The following FEZF2 variants were observed in gnomAD, a reference collection of about 807,000 sequenced individuals.
The protein encoded by FEZF2 is FEZ family zinc finger 2, also known as fez family zinc finger protein 2.
FEZF2 carries 2 observed loss-of-function variants against 32.8 expected under a neutral mutation model. The ratio of observed to expected loss-of-function variants is 0.06; its 90% CI spans 0.02 to 0.19. FEZF2 has a LOEUF of 0.19. Among genes scored for constraint, FEZF2 ranks in the 10% least tolerant of loss-of-function variants. The probability of loss-of-function intolerance (pLI) is 1.00; values close to 1 mark genes in which losing one functional copy is unlikely to be tolerated. For synonymous variants in FEZF2, 322 were observed against 284.8 expected (o/e 1.13, Z -1.32); for missense variants, 516 against 625.4 (o/e 0.83, Z 1.87).
Position 62,369,767 on chromosome 3 carries a change from C to T in FEZF2, c.*316G>A, listed in dbSNP as rs545462680. On this transcript the variant is annotated 3_prime_UTR_variant, in exon 5 of 5. Coordinates refer to ENST00000283268, the MANE Select transcript of FEZF2 (RefSeq NM_018008.4). The surrounding 1 kb of genome is among the most constrained non-coding windows in gnomAD (Gnocchi z 4.2). Reference sequence around the variant, plus strand: ...GGCTGTATAAAGATGGCTAGGGGCGCCGCGCTCTTCTGGGGCGCTCACGGT... The same window carrying T: ...GGCTGTATAAAGATGGCTAGGGGCGTCGCGCTCTTCTGGGGCGCTCACGGT... 2 of 312,084 alleles carry T rather than the reference C, an allele frequency of 6.4e-6. No homozygotes were observed. Among genetic ancestry groups the T allele is most frequent in the South Asian group, 1.1e-4 (2 of 18,336 alleles). 19.3% of individuals were successfully genotyped at this position (312,084 alleles called of 1,614,324 possible).
In FEZF2 at chr3:62,371,655, G is replaced by A; in HGVS notation, c.865C>T (p.His289Tyr). The change falls in exon 3 of 5, where the codon CAC becomes TAC. Residue 289 changes from histidine to tyrosine, a missense_variant. By Grantham distance (83) the His-to-Tyr change is moderately conservative. Coordinates refer to ENST00000283268, the MANE Select transcript of FEZF2 (RefSeq NM_018008.4). ...CEVCGKVFNAHYNLTRHMPVH... is the reference protein window; with the variant it reads ...CEVCGKVFNAYYNLTRHMPVH... ...GGCATGTGGCGGGTGAGATTATAGT[G>A]AGCGTTAAACACCTATGGAAAGACA... 1 of 1,612,952 alleles carries A rather than the reference G, an allele frequency of 6.2e-7. No individual in the cohort carries two copies. The highest frequency in any genetic ancestry group is 1.1e-5 in the South Asian group (1 of 90,898).
In FEZF2 at chr3:62,371,104, G is replaced by A. The variant is rs1040149036; in HGVS notation, c.1120+113C>T. 4.7e-6 allele frequency: 7 copies of A among 1,491,134 alleles called. No homozygotes were observed. The South Asian group carries it at 5.8e-5, about 12-fold the overall frequency. 92.4% of individuals were successfully genotyped at this position (1,491,134 alleles called of 1,614,324 possible). A position where few individuals can be genotyped will look rare whatever the true frequency, so the allele number is the denominator to read the frequency against. On this transcript the variant is annotated intron_variant, in intron 4 of 4. Transcript: ENST00000283268. ...CCGATTCTAAAGAAATGCTGCGCCC[G>A]CGCCTGCAGATTTCGCCTTCTCTCT...
intron 4 of FEZF2, among the ~76,000 whole-genome samples, 185 bp downstream of exon 4, chr3:62,371,032 G>A (rs1704261587): frequency 6.6e-6 from 1 of 152,162 alleles, no homozygotes; most frequent in Non-Finnish European, 1.5e-5. Context: ...CATACAGCGT[G>A]GTCTACTAAC....
In FEZF2 at chr3:62,372,777, G is replaced by C; in HGVS notation, c.92C>G (p.Ser31Cys). 6.3e-7 allele frequency: 1 copy of C among 1,598,942 alleles called. No homozygotes were observed. Among genetic ancestry groups the C allele is most frequent in the Non-Finnish European group, 8.5e-7 (1 of 1,172,470 alleles). Residue 31 changes from serine to cysteine, a missense_variant, in exon 2 of 5, where the codon TCC (serine) becomes TGC (cysteine). Ser to Cys is a moderately radical substitution (Grantham distance 112). Coordinates refer to ENST00000283268, the MANE Select transcript of FEZF2 (RefSeq NM_018008.4). This position sits in a 1 kb window ranked among gnomAD's most constrained non-coding sequence, Gnocchi z 9.6. ...SPATSKTLAF[S>C]IERIMAKTSE... ...CGTCTTGGCCATGATGCGCTCGATG[G>C]AAAAGGCCAGTGTCTTGGAAGTGGC...
At chr3:62,371,699 G>A (rs781251578) in intron 2 of FEZF2, 32 bp from the exon 3 acceptor site, 45 of 1,589,368 alleles carry the variant, frequency 2.8e-5, no homozygotes, top group Middle Eastern at 3.4e-4. Context: ...CTTGTGGTGC[G>A]TCTGTCCGAG....
In FEZF2 at chr3:62,369,862, C is replaced by G; in HGVS notation, c.*221G>C. On this transcript the variant is annotated 3_prime_UTR_variant, in exon 5 of 5. Coordinates refer to ENST00000283268, the MANE Select transcript of FEZF2 (RefSeq NM_018008.4). This position sits in a 1 kb window ranked among gnomAD's most constrained non-coding sequence, Gnocchi z 4.2. ...CTGGAATTAAATACGTTTCGGCGCA[C>G]TGGATTTAAATAAGTTTCCTGAATA... is the stretch of plus-strand genomic sequence containing the variant. 1 of 530,856 alleles carries G rather than the reference C, an allele frequency of 1.9e-6. No homozygotes were observed. The highest frequency in any genetic ancestry group is 3.2e-5 in the East Asian group (1 of 31,204). 32.9% of individuals were successfully genotyped at this position (530,856 alleles called of 1,614,324 possible).
chr3:62,371,140 C>T, intron 4 of FEZF2, 77 bp downstream of exon 4: 1 of 1,608,998 alleles, frequency 6.2e-7, no homozygotes, highest in Non-Finnish European at 8.5e-7. Context: ...CCAGATCCCT[C>T]TTTGCCTTCC....
In FEZF2 at chr3:62,370,913, G is replaced by T. The variant is rs1184802935; in HGVS notation, c.1120+304C>A. Among the ~76,000 whole-genome samples the T allele has an allele frequency of 1.3e-5, 2 of 152,102 alleles. No homozygotes were observed. Among genetic ancestry groups the T allele is most frequent in the Non-Finnish European group, 2.9e-5 (2 of 68,010 alleles). Reference sequence around the variant, plus strand: ...GAAAGGGAAGTTCCGGATACAAAAGGAACCTTTTTCTATAGGGCAATACCC... The same window carrying T: ...GAAAGGGAAGTTCCGGATACAAAAGTAACCTTTTTCTATAGGGCAATACCC... On this transcript the variant is annotated intron_variant, in intron 4 of 4. Coordinates refer to ENST00000283268, the MANE Select transcript of FEZF2 (RefSeq NM_018008.4). The surrounding 1 kb of genome is among the most constrained non-coding windows in gnomAD (Gnocchi z 4.2).
Position 62,371,393 on chromosome 3 carries a change from G to A in FEZF2, c.988-44C>T, listed in dbSNP as rs143428855. On this transcript the variant is annotated intron_variant, in intron 3 of 4. Coordinates refer to ENST00000283268, the MANE Select transcript of FEZF2 (RefSeq NM_018008.4). ...GCACAGTAAGGAGAGGCCACCTCGG[G>A]AACACCTGGAAGGGACATCCCCCCC... is the stretch of plus-strand genomic sequence containing the variant. 9.8e-4 allele frequency: 1,559 copies of A among 1,598,534 alleles called. 4 individuals carry two copies. The highest frequency in any genetic ancestry group is 7.7e-3 in the Middle Eastern group (46 of 5,960).
chr3:62,369,997 TTTTC>T lies in FEZF2; in HGVS notation c.*82_*85del, dbSNP rs1704247065. The T allele has an allele frequency of 6.9e-7, 1 of 1,447,326 alleles. No homozygotes were observed. The allele number at this position is 1,447,326 out of a possible 1,614,324, so 89.7% of individuals were successfully genotyped here. ...TTTTAGCCTCTCTGCTATAGTTTTTTTTTCTTTTAATTTTAGAAATAAGTTTATA... is the reference window on the plus strand; with the variant it reads ...TTTTAGCCTCTCTGCTATAGTTTTTTTTTTAATTTTAGAAATAAGTTTATA... On this transcript the variant is annotated 3_prime_UTR_variant, in exon 5 of 5. Transcript: ENST00000283268. This position sits in a 1 kb window ranked among gnomAD's most constrained non-coding sequence, Gnocchi z 4.2.
chr3:62,372,157 A>C lies in FEZF2; in HGVS notation c.712T>G (p.Leu238Val). 3 of 1,589,134 alleles carry C rather than the reference A, an allele frequency of 1.9e-6. No individual in the cohort carries two copies. Among genetic ancestry groups the C allele is most frequent in the Non-Finnish European group, 1.7e-6 (2 of 1,167,050 alleles). The change falls in exon 2 of 5, where the codon TTG (leucine) becomes GTG (valine). Residue 238 changes from leucine (L) to valine (V), a missense_variant. By Grantham distance (32) the Leu-to-Val change is conservative. Transcript: ENST00000283268. This position sits in a 1 kb window ranked among gnomAD's most constrained non-coding sequence, Gnocchi z 9.6. ...AGTACCTGCTCCAGCGGCGCCGGCA[A>C]GCGCTCCTTATGGGGATAGGGAGCC... The part of the protein sequence containing the change: ...HPAPYPHKER[L>V]PAPLEQVLKE...
In FEZF2 at chr3:62,372,890, C is replaced by T. The variant is rs1387367763; in HGVS notation, c.-22G>A. On this transcript the variant is annotated 5_prime_UTR_variant, in exon 2 of 5. Coordinates refer to ENST00000283268, the MANE Select transcript of FEZF2 (RefSeq NM_018008.4). The surrounding 1 kb of genome is among the most constrained non-coding windows in gnomAD (Gnocchi z 9.6). ...CCATGGCGCGCGGAGCTGAGCCGAG[C>T]CAGGCTGGGCCAGGGCGCAGCCTCT... is the stretch of plus-strand genomic sequence containing the variant. 3.6e-6 allele frequency: 5 copies of T among 1,375,498 alleles called. No homozygotes were observed. The highest frequency in any genetic ancestry group is 3.8e-6 in the Non-Finnish European group (4 of 1,057,704). The allele number at this position is 1,375,498 out of a possible 1,614,324, so 85.2% of individuals were successfully genotyped here.
rs995072872 is a variant in FEZF2, at chr3:62,370,534, G to T, written c.1121-192C>A. ...AGCCGGGTGCTCTCCCGACAAGACC[G>T]AGACTGAGTCCCGCGGAGCCGCTCT... On this transcript the variant is annotated intron_variant, in intron 4 of 4. Coordinates refer to ENST00000283268, the MANE Select transcript of FEZF2 (RefSeq NM_018008.4). The surrounding 1 kb of genome is among the most constrained non-coding windows in gnomAD (Gnocchi z 4.2). Among the ~76,000 whole-genome samples, 11 of 152,198 alleles carry T rather than the reference G, an allele frequency of 7.2e-5. No homozygotes were observed. The highest frequency in any genetic ancestry group is 1.6e-4 in the Non-Finnish European group (11 of 68,038).
At position 62,369,964 on chromosome 3, in the gene FEZF2, T is replaced by C. The variant is rs537410902; in HGVS notation, c.*119A>G. Reference sequence around the variant, plus strand: ...CTTTCCAAAAATATGCTGGTTTCGATAAATAGATTTTAGCCTCTCTGCTAT... The same window carrying C: ...CTTTCCAAAAATATGCTGGTTTCGACAAATAGATTTTAGCCTCTCTGCTAT... On this transcript the variant is annotated 3_prime_UTR_variant, in exon 5 of 5. Coordinates refer to ENST00000283268, the MANE Select transcript of FEZF2 (RefSeq NM_018008.4). This position sits in a 1 kb window ranked among gnomAD's most constrained non-coding sequence, Gnocchi z 4.2. 1 of 1,262,980 alleles carries C rather than the reference T, an allele frequency of 7.9e-7. No individual in the cohort carries two copies. The highest frequency in any genetic ancestry group is 1.5e-5 in the African/African-American group (1 of 66,664). The allele number at this position is 1,262,980 out of a possible 1,614,324, so 78.2% of individuals were successfully genotyped here. A position where few individuals can be genotyped will look rare whatever the true frequency, so the allele number is the denominator to read the frequency against.
At chr3:62,371,734 C>T in intron 2 of FEZF2, 67 bp from the exon 3 acceptor site, 12 of 1,546,538 alleles carry the variant, frequency 7.8e-6, no homozygotes, top group Non-Finnish European at 9.6e-6. Context: ...CCCGGGGGGG[C>T]CACAGCCTAC....
rs973697609 is a variant in FEZF2, at chr3:62,369,854, T to C, written c.*229A>G. The C allele has an allele frequency of 2.0e-6, 1 of 508,270 alleles. No homozygotes were observed. Among genetic ancestry groups the C allele is most frequent in the Non-Finnish European group, 3.4e-6 (1 of 295,692 alleles). 31.5% of individuals were successfully genotyped at this position (508,270 alleles called of 1,614,324 possible). A position where few individuals can be genotyped will look rare whatever the true frequency, so the allele number is the denominator to read the frequency against. ...GCGGAGGCCTGGAATTAAATACGTTTCGGCGCACTGGATTTAAATAAGTTT... is the reference window on the plus strand; with the variant it reads ...GCGGAGGCCTGGAATTAAATACGTTCCGGCGCACTGGATTTAAATAAGTTT... On this transcript the variant is annotated 3_prime_UTR_variant, in exon 5 of 5. Coordinates refer to ENST00000283268, the MANE Select transcript of FEZF2 (RefSeq NM_018008.4). The surrounding 1 kb of genome is among the most constrained non-coding windows in gnomAD (Gnocchi z 4.2).
Position 62,370,119 on chromosome 3 carries a change from G to A in FEZF2, c.1344C>T (p.Pro448=), listed in dbSNP as rs1704249200. The part of the protein sequence containing the change: ...KLHDSVGPAA[P]SAKDLTRTVQ... ...CTGTCCTAGTCAGGTCCTTTGCGGA[G>A]GGGGCAGCAGGGCCCACGCTGTCGT... Residue 448 remains proline (P), a synonymous_variant, in exon 5 of 5, where the codon CCC becomes CCT. Coordinates refer to ENST00000283268, the MANE Select transcript of FEZF2 (RefSeq NM_018008.4). This position sits in a 1 kb window ranked among gnomAD's most constrained non-coding sequence, Gnocchi z 4.2. The A allele has an allele frequency of 6.2e-7, 1 of 1,614,084 alleles. No homozygotes were observed. The highest frequency in any genetic ancestry group is 8.5e-7 in the Non-Finnish European group (1 of 1,180,044).
intron 2 of FEZF2, 93 bp from the exon 3 acceptor site, chr3:62,371,760 C>A: frequency 4.0e-6 from 6 of 1,516,584 alleles, no homozygotes; most frequent in Admixed American, 4.3e-5. Flanking sequence ...CCAACCAACA[C>A]CCCCTTCAGA....
In FEZF2 at chr3:62,372,023, G is replaced by C; in HGVS notation, c.846C>G (p.Cys282Trp). The C allele has an allele frequency of 6.2e-7, 1 of 1,604,142 alleles. No individual in the cohort carries two copies. Among genetic ancestry groups the C allele is most frequent in the Non-Finnish European group, 8.5e-7 (1 of 1,179,252 alleles). The change falls in exon 2 of 5, where the codon TGC becomes TGG. Residue 282 changes from cysteine (C) to tryptophan (W), a missense_variant. Cys to Trp is a radical substitution (Grantham distance 215). Around this residue, in one of 3 missense-constraint regions of FEZF2, gnomAD observed 79 missense variants for 219.4 expected, o/e 0.36. Transcript: ENST00000283268. This position sits in a 1 kb window ranked among gnomAD's most constrained non-coding sequence, Gnocchi z 9.6. ...GKPKNFTCEV[C>W]GKVFNAHYNL... ...GCCGAACCCTGGGCCTCACCTTGCC[G>C]CACACCTCGCAGGTGAAGTTTTTGG...
Sources: allele counts gnomAD v4.1 joint callset (sites outside exome capture counted in the v4.1 genomes callset), GRCh38; gene constraint gnomAD v4.1.1; regional missense constraint gnomAD v4.1.1; non-coding constraint Gnocchi (gnomAD v3.1); transcripts MANE v1.5; gene names NCBI Gene and HGNC (gene_info 2026-07-23, HGNC 2026-07-21).